Variants in BRS3 observed in about 807,000 individuals in gnomAD.
BRS3 encodes bombesin receptor subtype 3, also known as bombesin receptor subtype-3.
In BRS3, 5 loss-of-function variants were observed where a neutral mutation model predicts 18.8. The observed-to-expected ratio is 0.27, with a 90% CI of 0.14 to 0.56. BRS3 has a LOEUF of 0.56. Ranked by LOEUF, BRS3 falls within the 20% of genes least tolerant of loss-of-function variation. The pLI, the probability that BRS3 is intolerant of heterozygous loss-of-function variation, is 0.93. For synonymous variants in BRS3, 121 were observed against 115.0 expected (o/e 1.05, Z -0.33); for missense variants, 215 against 296.3 (o/e 0.73, Z 2.01).
rs200304646 is a variant in BRS3, at chrX:136,488,201, C to T, written c.87C>T (p.Asn29=). 2.1e-4 allele frequency: 252 copies of T among 1,209,629 alleles called. No homozygotes were observed. The highest frequency in any genetic ancestry group is 3.1e-4 in the African/African-American group (18 of 57,177). ...AATCATCAAGCTCTGTGGTTTCTAA[C>T]GATAACACAAATAAAGGATGGAGCG... ...DTESSSSVVS[N]DNTNKGWSGD... is the part of the protein sequence containing the mutation. Residue 29 remains asparagine, a synonymous_variant, in exon 1 of 3, where the codon AAC becomes AAT. Coordinates refer to ENST00000370648, the MANE Select transcript of BRS3 (RefSeq NM_001727.2).
At position 136,487,974 on chromosome X, in the gene BRS3, G is replaced by A; in HGVS notation, c.-141G>A. On this transcript the variant is annotated 5_prime_UTR_variant, in exon 1 of 3. Transcript: ENST00000370648. ...ACAGAACTGAAGCAAAGGAGTATCT[G>A]GATGTCTTGGATTTTCTTCCCATTC... The A allele has an allele frequency of 1.1e-5, 6 of 546,713 alleles. No homozygotes were observed. The South Asian group carries it at 2.3e-4, about 21-fold the overall frequency. The allele number at this position is 546,713 out of a possible 1,213,427, so 45.1% of individuals were successfully genotyped here.
chrX:136,491,895 G>T (rs796907489), intron 2 of BRS3, 67 bp from the exon 3 acceptor site: 131 of 844,538 alleles, frequency 1.6e-4, no homozygotes, highest in South Asian at 8.2e-4. Flanking sequence ...TGTTTTTTTT[G>T]TTGTTGTTGT....
In BRS3 at chrX:136,488,260, C is replaced by T. The variant is rs1253754470; in HGVS notation, c.146C>T (p.Ala49Val). 3.3e-6 allele frequency: 4 copies of T among 1,210,005 alleles called. No homozygotes were observed. The highest frequency in any genetic ancestry group is 4.5e-6 in the Non-Finnish European group (4 of 895,215). ...TCTCCAGGAATAGAAGCATTGTGTG[C>T]CATCTATATTACTTATGCTGTGATC... The part of the protein sequence containing the change: ...DNSPGIEALC[A>V]IYITYAVIIS... Residue 49 changes from alanine (A) to valine (V), a missense_variant, in exon 1 of 3, where the codon GCC becomes GTC. Transcript: ENST00000370648.
At chrX:136,491,913 G>GTTTTGTTTTTT (rs2075671109) in intron 2 of BRS3, 49 bp from the exon 3 acceptor site, 1 of 431,735 alleles carries the variant, frequency 2.3e-6, no homozygotes, top group African/African-American at 8.1e-5. Flanking sequence ...TGTTTTTTGT[G>GTTTTGTTTTTT]TTTTTTTTTT....
At position 136,492,271 on chromosome X, in the gene BRS3, G is replaced by A. The variant is rs1309463950; in HGVS notation, c.1096G>A (p.Ala366Thr). 8.3e-7 allele frequency: 1 copy of A among 1,211,523 alleles called. No homozygotes were observed. Residue 366 changes from alanine (A) to threonine (T), a missense_variant, in exon 3 of 3, where the codon GCT becomes ACT. This residue lies in a region of BRS3 where 45 missense variants were observed against 45.5 expected (regional missense o/e 0.99). Transcript: ENST00000370648. ...PVADTSLTTL[A>T]VMGTVPGTGS... ...TGCTGACACCTCTCTTACCACCCTG[G>A]CTGTGATGGGAACGGTCCCGGGCAC...
intron 2 of BRS3, among the ~76,000 whole-genome samples, 170 bp downstream of exon 2, chrX:136,490,654 C>G (rs2075665926): frequency 8.9e-6 from 1 of 112,309 alleles, no homozygotes; most frequent in Non-Finnish European, 1.9e-5. Flanking sequence ...CACGTACTAG[C>G]TGAGTAATCT....
intron 1 of BRS3, among the ~76,000 whole-genome samples, chrX:136,489,892 A>G (rs1168813636): frequency 8.9e-6 from 1 of 112,006 alleles, no homozygotes; most frequent in East Asian, 2.8e-4. Flanking sequence ...AAATTATAAA[A>G]TTGCAAATCT....
rs773324636 is a variant in BRS3 at position 136,491,913 on chromosome X, G to GTGTTTTTTTTTTTTTTTTTTT, written c.787-48_787-47insGTTTTTTTTTTTTTTTTTTTT. 9 of 436,965 alleles carry GTGTTTTTTTTTTTTTTTTTTT rather than the reference G, an allele frequency of 2.1e-5. No individual in the cohort carries two copies. The African/African-American group carries it at 3.2e-4, about 16-fold the overall frequency. The allele number at this position is 436,965 out of a possible 1,213,427, so 36.0% of individuals were successfully genotyped here. A position where few individuals can be genotyped will look rare whatever the true frequency, so the allele number is the denominator to read the frequency against. ...TTTTTTTGTTGTTGTTGTTTTTTGT[G>GTGTTTTTTTTTTTTTTTTTTT]TTTTTTTTTTTTTTTTTTTTTTTTT... On this transcript the variant is annotated intron_variant, in intron 2 of 2. Coordinates refer to ENST00000370648, the MANE Select transcript of BRS3 (RefSeq NM_001727.2).
intron 1 of BRS3, 88 bp from the exon 2 acceptor site, chrX:136,490,045 C>A: frequency 1.3e-6 from 1 of 746,041 alleles, no homozygotes; most frequent in Non-Finnish European, 1.9e-6. Context: ...GAGGGTAGAA[C>A]TGGATGACCA....
Position 136,493,062 on chromosome X carries a change from G to C in BRS3, c.*687G>C, listed in dbSNP as rs948939713. 2.7e-5 allele frequency: 3 copies of C among 112,380 alleles called. No homozygotes were observed. The highest frequency in any genetic ancestry group is 5.6e-5 in the Non-Finnish European group (3 of 53,312). The allele number at this position is 112,380 out of a possible 1,213,427, so 9.3% of individuals were successfully genotyped here. A position where few individuals can be genotyped will look rare whatever the true frequency, so the allele number is the denominator to read the frequency against. ...CATTCACAAATATTGTTAGGAACTTGCCTTATTCATAGGCAGAATAAGTGG... is the reference window on the plus strand; with the variant it reads ...CATTCACAAATATTGTTAGGAACTTCCCTTATTCATAGGCAGAATAAGTGG... On this transcript the variant is annotated 3_prime_UTR_variant, in exon 3 of 3. Coordinates refer to ENST00000370648, the MANE Select transcript of BRS3 (RefSeq NM_001727.2).
At chrX:136,488,849 T>C (rs2075660884) in intron 1 of BRS3, among the ~76,000 whole-genome samples, 1 of 112,074 alleles carries the variant, frequency 8.9e-6, no homozygotes, top group African/African-American at 3.2e-5. Flanking sequence ...GTAAAGCAAA[T>C]TGTTCCAGGT....
Position 136,492,790 on chromosome X carries a change from G to T in BRS3, c.*415G>T, listed in dbSNP as rs2075675150. ...TGTGGTGTAAATCTAGAGATACTTT[G>T]TATGTGAAAAGGGGATCACAAAAGA... On this transcript the variant is annotated 3_prime_UTR_variant, in exon 3 of 3. Transcript: ENST00000370648. 2 of 118,797 alleles carry T rather than the reference G, an allele frequency of 1.7e-5. No homozygotes were observed. The highest frequency in any genetic ancestry group is 3.5e-5 in the Non-Finnish European group (2 of 57,700). 9.8% of individuals were successfully genotyped at this position (118,797 alleles called of 1,213,427 possible).
At chrX:136,490,085 T>G in intron 1 of BRS3, 48 bp from the exon 2 acceptor site, 1 of 1,099,760 alleles carries the variant, frequency 9.1e-7, no homozygotes, top group Non-Finnish European at 1.2e-6. Context: ...TAAAATTTGG[T>G]AACTTTGACA....
In BRS3 at chrX:136,492,266, C is replaced by T; in HGVS notation, c.1091C>T (p.Thr364Ile). ...CCTGTTGCTGACACCTCTCTTACCA[C>T]CCTGGCTGTGATGGGAACGGTCCCG... ...EPPVADTSLTTLAVMGTVPGT... is the reference protein window; with the variant it reads ...EPPVADTSLTILAVMGTVPGT... The change falls in exon 3 of 3, where the codon ACC becomes ATC. Residue 364 changes from threonine to isoleucine, a missense_variant. Physicochemically the swap from Thr to Ile is moderately conservative, Grantham distance 89. Transcript: ENST00000370648. The T allele has an allele frequency of 8.3e-7, 1 of 1,211,679 alleles. No individual in the cohort carries two copies. Among genetic ancestry groups the T allele is most frequent in the Non-Finnish European group, 1.1e-6 (1 of 895,533 alleles).
intron 2 of BRS3, 46 bp from the exon 3 acceptor site, chrX:136,491,911 GTGTTT>G: frequency 1.7e-6 from 1 of 600,597 alleles, no homozygotes; most frequent in Non-Finnish European, 2.0e-6. Context: ...GTTGTTTTTT[GTGTTT>G]TTTTTTTTTT....
In BRS3 at chrX:136,488,350, A is replaced by G. The variant is rs1306395099; in HGVS notation, c.236A>G (p.Gln79Arg). Residue 79 changes from glutamine to arginine, a missense_variant, in exon 1 of 3, where the codon CAA (glutamine) becomes CGA (arginine). Physicochemically the swap from Gln to Arg is conservative, Grantham distance 43. This residue lies in a region of BRS3 where 123 missense variants were observed against 207.6 expected (regional missense o/e 0.59). Transcript: ENST00000370648. ...IKVFFKTKSM[Q>R]TVPNIFITSL... ...GTCTTTTTCAAGACCAAATCCATGC[A>G]AACAGTTCCAAATATTTTCATCACC... 1 of 1,212,044 alleles carries G rather than the reference A, an allele frequency of 8.3e-7. No individual in the cohort carries two copies. Among genetic ancestry groups the G allele is most frequent in the East Asian group, 3.0e-5 (1 of 33,868 alleles).
At position 136,492,686 on chromosome X, in the gene BRS3, T is replaced by TTTG; in HGVS notation, c.*317_*319dup. On this transcript the variant is annotated 3_prime_UTR_variant, in exon 3 of 3. Coordinates refer to ENST00000370648, the MANE Select transcript of BRS3 (RefSeq NM_001727.2). ...AACAAGATGAAACTTAAAAATCTCA[T>TTTG]TTGTTGTTTAATCACATCTGTGATG... 4.7e-6 allele frequency: 1 copy of TTTG among 212,463 alleles called. No homozygotes were observed. Among genetic ancestry groups the TTTG allele is most frequent in the Non-Finnish European group, 8.5e-6 (1 of 116,983 alleles). 17.5% of individuals were successfully genotyped at this position (212,463 alleles called of 1,213,427 possible). A position where few individuals can be genotyped will look rare whatever the true frequency, so the allele number is the denominator to read the frequency against.
In BRS3 at chrX:136,488,483, C is replaced by G. The variant is rs201134519; in HGVS notation, c.369C>G (p.Leu123=). 3 of 1,210,322 alleles carry G rather than the reference C, an allele frequency of 2.5e-6. No individual in the cohort carries two copies. Among genetic ancestry groups the G allele is most frequent in the South Asian group, 1.8e-5 (1 of 56,836 alleles). ...TCGGAAGAATTGGTTGTAAGGTGCT[C>G]TCTTTCATCCGGCTCACTTCTGTTG... is the stretch of plus-strand genomic sequence containing the variant. ...WLFGRIGCKV[L]SFIRLTSVGV... The change falls in exon 1 of 3, where the codon CTC becomes CTG. Residue 123 remains leucine (L), a synonymous_variant. Transcript: ENST00000370648.
chrX:136,492,147 C>T lies in BRS3; in HGVS notation c.972C>T (p.Cys324=), dbSNP rs756871495. Residue 324 remains cysteine (C), a synonymous_variant, in exon 3 of 3, where the codon TGC becomes TGT. Transcript: ENST00000370648. ...FSRVLAFSNS[C]VNPFALYWLS... Reference sequence around the variant, plus strand: ...GGGTTTTGGCTTTCAGCAATTCTTGCGTAAACCCCTTTGCTCTCTACTGGC... The same window carrying T: ...GGGTTTTGGCTTTCAGCAATTCTTGTGTAAACCCCTTTGCTCTCTACTGGC... 34 of 1,208,276 alleles carry T rather than the reference C, an allele frequency of 2.8e-5. No individual in the cohort carries two copies. Among genetic ancestry groups the T allele is most frequent in the Non-Finnish European group, 2.3e-5 (21 of 894,874 alleles).
Sources: allele counts gnomAD v4.1 joint callset (sites outside exome capture counted in the v4.1 genomes callset), GRCh38; gene constraint gnomAD v4.1.1; regional missense constraint gnomAD v4.1.1; transcripts MANE v1.5; gene names NCBI Gene and HGNC (gene_info 2026-07-23, HGNC 2026-07-21).